Variants in STX16 observed in about 807,000 individuals in gnomAD.
STX16 encodes syntaxin 16.
STX16 carries 28 observed loss-of-function variants against 42.7 expected under a neutral mutation model. That is an observed-to-expected ratio of 0.66 (90% CI 0.49 to 0.90). STX16 has a LOEUF of 0.90. STX16 is among the 40% of genes least tolerant of loss of function. The probability of loss-of-function intolerance (pLI) is 0.00; values close to 1 mark genes in which losing one functional copy is unlikely to be tolerated. For synonymous variants in STX16, 156 were observed against 155.2 expected (o/e 1.00, Z -0.04); for missense variants, 361 against 420.9 (o/e 0.86, Z 1.24).
chr20:58,669,312 G>A lies in STX16; in HGVS notation c.415G>A (p.Ala139Thr), dbSNP rs752907104. 5.7e-5 allele frequency: 92 copies of A among 1,611,324 alleles called. No individual in the cohort carries two copies. The highest frequency in any genetic ancestry group is 7.4e-5 in the Non-Finnish European group (87 of 1,179,554). The change falls in exon 5 of 9, where the codon GCC (alanine) becomes ACC (threonine). Residue 139 changes from alanine to threonine, a missense_variant. Transcript: ENST00000371141. The stretch of plus-strand genomic sequence containing the variant: ...TTAGCTCTTCCACAGGTGCCAGCGT[G>A]CCGTGCAGGCCCTGCCGAGCCGGGC... ...ITQLFHRCQR[A>T]VQALPSRARA...
At chr20:58,667,286 C>T in intron 2 of STX16, 1 of 666,484 alleles carries the variant, frequency 1.5e-6, no homozygotes, top group Non-Finnish European at 2.8e-6. Context: ...AATCCAAATC[C>T]TAGCAGTTAT....
At position 58,669,302 on chromosome 20, in the gene STX16, G is replaced by A; in HGVS notation, c.405G>A (p.Arg135=). 1 of 1,610,918 alleles carries A rather than the reference G, an allele frequency of 6.2e-7. No individual in the cohort carries two copies. Reference sequence around the variant, plus strand: ...GCTTGTTCTCTTAGCTCTTCCACAGGTGCCAGCGTGCCGTGCAGGCCCTGC... The same window carrying A: ...GCTTGTTCTCTTAGCTCTTCCACAGATGCCAGCGTGCCGTGCAGGCCCTGC... ...TTQEITQLFH[R]CQRAVQALPS... is the part of the protein sequence containing the mutation. Residue 135 remains arginine, a synonymous_variant, in exon 5 of 9, where the codon AGG becomes AGA. Transcript: ENST00000371141.
At chr20:58,674,887 A>G (rs1490532705) in intron 8 of STX16, among the ~76,000 whole-genome samples, 2 of 152,274 alleles carry the variant, frequency 1.3e-5, no homozygotes. Flanking sequence ...GTTTTGTAAT[A>G]TAACACAGAT....
At chr20:58,660,050 G>A (rs952956736) in intron 2 of STX16, among the ~76,000 whole-genome samples, 23 of 152,110 alleles carry the variant, frequency 1.5e-4, no homozygotes, top group African/African-American at 5.3e-4. Context: ...CTGTAGCCAC[G>A]GCAACTGTGG....
In STX16 at chr20:58,669,278, C is replaced by CT. The variant is rs1439634346; in HGVS notation, c.394-11dup. ...TCCCAGGCTTGCCCTGAGCCTCGGG[C>CT]TTGTTCTCTTAGCTCTTCCACAGGT... On this transcript the variant is annotated splice_polypyrimidine_tract_variant and intron_variant, in intron 4 of 8. Coordinates refer to ENST00000371141, the MANE Select transcript of STX16 (RefSeq NM_001001433.3). 6.2e-7 allele frequency: 1 copy of CT among 1,608,904 alleles called. No individual in the cohort carries two copies. Among genetic ancestry groups the CT allele is most frequent in the Non-Finnish European group, 8.5e-7 (1 of 1,179,492 alleles).
chr20:58,676,865 G>C lies in STX16; in HGVS notation c.*574G>C, dbSNP rs1021812354. ...AACTTAATTTAGCTTTTCCATCACT[G>C]TTAATGATCAGAGTAACAAAGTGTG... On this transcript the variant is annotated 3_prime_UTR_variant, in exon 9 of 9. Transcript: ENST00000371141. 2 of 152,580 alleles carry C rather than the reference G, an allele frequency of 1.3e-5. No homozygotes were observed. The highest frequency in any genetic ancestry group is 6.6e-5 in the Admixed American group (1 of 15,266). The allele number at this position is 152,580 out of a possible 1,614,324, so 9.5% of individuals were successfully genotyped here.
chr20:58,666,777 TTAAAA>T (rs2083844776), intron 2 of STX16, among the ~76,000 whole-genome samples: 1 of 152,198 alleles, frequency 6.6e-6, no homozygotes, highest in Non-Finnish European at 1.5e-5. Context: ...TGTTATATAG[TTAAAA>T]TAAACAGGAA....
At chr20:58,667,675 A>G in intron 3 of STX16, 78 bp downstream of exon 3, 1 of 1,307,198 alleles carries the variant, frequency 7.6e-7, no homozygotes, top group East Asian at 2.3e-5. Flanking sequence ...TCTGTCATAT[A>G]AACGAATTTG....
Position 58,676,550 on chromosome 20 carries a change from C to A in STX16, c.*259C>A. 1 of 393,870 alleles carries A rather than the reference C, an allele frequency of 2.5e-6. No individual in the cohort carries two copies. Among genetic ancestry groups the A allele is most frequent in the Non-Finnish European group, 4.5e-6 (1 of 221,152 alleles). The allele number at this position is 393,870 out of a possible 1,614,324, so 24.4% of individuals were successfully genotyped here. ...CACAATAGAGATTGAGTTCTGGGAT[C>A]AGTTATAATATATATTTTTTTTAGA... On this transcript the variant is annotated 3_prime_UTR_variant, in exon 9 of 9. Coordinates refer to ENST00000371141, the MANE Select transcript of STX16 (RefSeq NM_001001433.3).
At position 58,651,626 on chromosome 20, in the gene STX16, C is replaced by T. The variant is rs2083456205; in HGVS notation, c.-381C>T. Reference sequence around the variant, plus strand: ...GAGAGCAGAGACCTCCGGGGGGTCTCAGGGAGTAGGGGGCTTCAGGGCCTC... The same window carrying T: ...GAGAGCAGAGACCTCCGGGGGGTCTTAGGGAGTAGGGGGCTTCAGGGCCTC... On this transcript the variant is annotated 5_prime_UTR_variant, in exon 1 of 9. Coordinates refer to ENST00000371141, the MANE Select transcript of STX16 (RefSeq NM_001001433.3). The T allele has an allele frequency of 4.9e-6, 1 of 204,894 alleles. No homozygotes were observed. The highest frequency in any genetic ancestry group is 7.0e-5 in the South Asian group (1 of 14,250). 12.7% of individuals were successfully genotyped at this position (204,894 alleles called of 1,614,324 possible).
At chr20:58,653,451 A>G (rs2083518419) in intron 1 of STX16, among the ~76,000 whole-genome samples, 1 of 152,264 alleles carries the variant, frequency 6.6e-6, no homozygotes, top group South Asian at 2.1e-4. Flanking sequence ...ACTCAGGTCA[A>G]ACAGCCTAGA....
intron 2 of STX16, among the ~76,000 whole-genome samples, chr20:58,663,322 C>T (rs780864077): frequency 3.3e-5 from 5 of 152,208 alleles, no homozygotes; most frequent in African/African-American, 7.2e-5. Flanking sequence ...AGATTTGGAA[C>T]AGCAAGATTT....
intron 8 of STX16, 24 bp downstream of exon 8, chr20:58,673,735 G>A (rs750763796): frequency 6.6e-7 from 1 of 1,513,426 alleles, no homozygotes; most frequent in African/African-American, 1.4e-5. Flanking sequence ...CAAGACTTGG[G>A]AATCTTAGGA....
intron 7 of STX16, among the ~76,000 whole-genome samples, chr20:58,672,323 ACT>A (rs777389570): frequency 5.9e-5 from 9 of 152,016 alleles, no homozygotes; most frequent in East Asian, 1.9e-4. Context: ...CAAGAGTGAA[ACT>A]CTGTCTCAAA....
At chr20:58,653,160 G>C (rs1028153387) in intron 1 of STX16, among the ~76,000 whole-genome samples, 1 of 152,190 alleles carries the variant, frequency 6.6e-6, no homozygotes, top group African/African-American at 2.4e-5. Flanking sequence ...GAACAGGCGG[G>C]AAATAGCCAT....
At position 58,651,984 on chromosome 20, in the gene STX16, A is replaced by AG. The variant is rs779868188; in HGVS notation, c.-17dup. On this transcript the variant is annotated 5_prime_UTR_variant, in exon 1 of 9. Transcript: ENST00000371141. ...TATAAGTGGGCGGGGGGCCCCTGAG[A>AG]GGGGGGTCGCAAAGGGTGAGACATG... 28 of 1,612,630 alleles carry AG rather than the reference A, an allele frequency of 1.7e-5. No individual in the cohort carries two copies. The highest frequency in any genetic ancestry group is 4.5e-5 in the East Asian group (2 of 44,846).
At chr20:58,669,255 C>G (rs1210873166) in intron 4 of STX16, 36 bp from the exon 5 acceptor site, 1 of 1,603,564 alleles carries the variant, frequency 6.2e-7, no homozygotes, top group Non-Finnish European at 8.5e-7. Flanking sequence ...GGCTTCTCTC[C>G]CAGGCTTGCC....
chr20:58,657,651 G>A lies in STX16; in HGVS notation c.133-1972G>A, dbSNP rs1373246784. Among the ~76,000 whole-genome samples the A allele has an allele frequency of 1.3e-5, 2 of 152,214 alleles. No individual in the cohort carries two copies. The highest frequency in any genetic ancestry group is 2.9e-5 in the Non-Finnish European group (2 of 68,042). ...ATAAAGATTTAGAAGGTGATGATGT[G>A]TAGTAACGTGTTTTCATTTGGCTTT... is the stretch of plus-strand genomic sequence containing the variant. On this transcript the variant is annotated intron_variant, in intron 1 of 8. Coordinates refer to ENST00000371141, the MANE Select transcript of STX16 (RefSeq NM_001001433.3). The surrounding 1 kb of genome is among the most constrained non-coding windows in gnomAD (Gnocchi z 4.2).
intron 1 of STX16, among the ~76,000 whole-genome samples, chr20:58,659,306 T>G (rs2083646561): frequency 6.6e-6 from 1 of 152,236 alleles, no homozygotes; most frequent in African/African-American, 2.4e-5. Flanking sequence ...AACAGCATAT[T>G]TTAGTGAAAC....
Sources: allele counts gnomAD v4.1 joint callset (sites outside exome capture counted in the v4.1 genomes callset), GRCh38; gene constraint gnomAD v4.1.1; non-coding constraint Gnocchi (gnomAD v3.1); transcripts MANE v1.5; gene names NCBI Gene and HGNC (gene_info 2026-07-23, HGNC 2026-07-21).